The following MGAT4C variants were observed in gnomAD, a reference collection of about 807,000 sequenced individuals.
MGAT4C encodes the protein MGAT4 family member C, also known as alpha-1,3-mannosyl-glycoprotein 4-beta-N-acetylglucosaminyltransferase C.
Under a neutral mutation model 40.1 loss-of-function variants are expected in MGAT4C, and 19 were observed. That is an observed-to-expected ratio of 0.47 (90% CI 0.33 to 0.70). The LOEUF (loss-of-function observed/expected upper bound fraction) is 0.70, where lower values mean the gene tolerates loss of function less well. Among genes scored for constraint, MGAT4C ranks in the 30% least tolerant of loss-of-function variants. MGAT4C has a pLI of 0.02. For synonymous variants in MGAT4C, 181 were observed against 187.1 expected, an observed-to-expected ratio of 0.97 and a Z score of 0.27; for missense variants, 491 against 563.2, an observed-to-expected ratio of 0.87 and a Z score of 1.30.
intron 2 of MGAT4C, among the ~76,000 whole-genome samples, chr12:86,483,206 C>T (rs1015459693): frequency 6.6e-6 from 1 of 152,030 alleles, no homozygotes; most frequent in African/African-American, 2.4e-5. Context: ...AGGGTAGTAC[C>T]CTCATAAACT....
intron 2 of MGAT4C, among the ~76,000 whole-genome samples, chr12:86,643,036 T>C (rs138772632): frequency 1.1e-4 from 16 of 151,866 alleles, no homozygotes; most frequent in Admixed American, 5.3e-4. Flanking sequence ...TTTCTGAGTC[T>C]GTTCTGTGCT....
chr12:86,682,613 G>C (rs1213826902), intron 2 of MGAT4C, among the ~76,000 whole-genome samples: 2 of 151,762 alleles, frequency 1.3e-5, no homozygotes, highest in Non-Finnish European at 2.9e-5. Context: ...CCAAACTAGG[G>C]AAAAAAAGTT....
At chr12:86,195,347 T>C (rs979693544) in intron 1 of MGAT4C, among the ~76,000 whole-genome samples, 2 of 152,150 alleles carry the variant, frequency 1.3e-5, no homozygotes, top group African/African-American at 2.4e-5. Flanking sequence ...TTGTCTTCTA[T>C]AGGCCAGTCT....
At chr12:86,518,305 T>C (rs1348898021) in intron 2 of MGAT4C, among the ~76,000 whole-genome samples, 2 of 152,206 alleles carry the variant, frequency 1.3e-5, no homozygotes, top group African/African-American at 4.8e-5. Context: ...TAGGATTCTG[T>C]ATATTTGACC....
At chr12:86,536,186 TCTTCCA>T (rs1959065205) in intron 2 of MGAT4C, among the ~76,000 whole-genome samples, 1 of 152,104 alleles carries the variant, frequency 6.6e-6, no homozygotes, top group African/African-American at 2.4e-5. Context: ...CTCATCACTG[TCTTCCA>T]CTAAAGAGAC....
At chr12:86,242,390 C>T (rs1374952818) in intron 1 of MGAT4C, among the ~76,000 whole-genome samples, 1 of 152,142 alleles carries the variant, frequency 6.6e-6, no homozygotes, top group African/African-American at 2.4e-5. Context: ...TCCCTTGAAT[C>T]TGCATCATTT....
rs562729699 is a variant in MGAT4C, at chr12:85,969,282, A to G, written c.*10007T>C. 4 of 151,862 alleles carry G rather than the reference A, an allele frequency of 2.6e-5. No individual in the cohort carries two copies. The East Asian group carries it at 7.7e-4, about 29-fold the overall frequency. 9.4% of individuals were successfully genotyped at this position (151,862 alleles called of 1,614,324 possible). A position where few individuals can be genotyped will look rare whatever the true frequency, so the allele number is the denominator to read the frequency against. ...TGTAAGCTATAGGCCAATAAACACA[A>G]CTTTGGGGTTTACTGATGTTTTCCA... On this transcript the variant is annotated 3_prime_UTR_variant, in exon 5 of 5. Transcript: ENST00000611864.
At chr12:86,049,554 T>C in intron 2 of MGAT4C, 120 bp downstream of exon 2, 2 of 295,736 alleles carry the variant, frequency 6.8e-6, no homozygotes, top group Non-Finnish European at 1.0e-5. Context: ...GATGAGAAAA[T>C]ATTTTCAATT....
At chr12:86,169,032 G>T (rs1323142917) in intron 1 of MGAT4C, among the ~76,000 whole-genome samples, 2 of 151,984 alleles carry the variant, frequency 1.3e-5, no homozygotes, top group Non-Finnish European at 2.9e-5. Context: ...GGGGAAAACT[G>T]CCCCCAAAAC....
At chr12:86,497,570 G>A (rs1420829451) in intron 2 of MGAT4C, among the ~76,000 whole-genome samples, 1 of 151,652 alleles carries the variant, frequency 6.6e-6, no homozygotes, top group African/African-American at 2.4e-5. Context: ...AGACAGTAAA[G>A]CTAGAAGCTA....
At chr12:86,391,597 G>A (rs1956160900) in intron 3 of MGAT4C, among the ~76,000 whole-genome samples, 2 of 152,192 alleles carry the variant, frequency 1.3e-5, no homozygotes, top group South Asian at 2.1e-4. Flanking sequence ...AGTGGCTCAC[G>A]CCTGTAATCC....
intron 2 of MGAT4C, among the ~76,000 whole-genome samples, chr12:86,516,821 CAAT>C (rs1216480067): frequency 1.4e-4 from 21 of 151,970 alleles, no homozygotes; most frequent in African/African-American, 4.8e-4. Context: ...ATTAGCACAA[CAAT>C]GAGATACCTC....
intron 2 of MGAT4C, among the ~76,000 whole-genome samples, chr12:86,636,237 G>T (rs976370197): frequency 6.6e-6 from 1 of 151,952 alleles, no homozygotes. Context: ...TAAGCAACAC[G>T]TGACTGTACT....
intron 1 of MGAT4C, among the ~76,000 whole-genome samples, chr12:86,095,882 T>C (rs1873824874): frequency 6.6e-6 from 1 of 151,888 alleles, no homozygotes; most frequent in South Asian, 2.1e-4. Flanking sequence ...TCTTAAAATA[T>C]AGGCAAATAC....
Position 86,303,974 on chromosome 12 carries a change from G to A in MGAT4C, c.-57+30091C>T, listed in dbSNP as rs986318343. Among the ~76,000 whole-genome samples, 9 of 150,112 alleles carry A rather than the reference G, an allele frequency of 6.0e-5. 1 individual carries two copies. In the East Asian group the frequency reaches 1.7e-3, roughly 29 times the overall value. ...TGTGTCATATTTATTTACTGGAATA[G>A]AAAGTAGGCATTCCAAGTAAAGCTT... On this transcript the variant is annotated intron_variant, in intron 4 of 7. Transcript: ENST00000548651.
intron 1 of MGAT4C, among the ~76,000 whole-genome samples, chr12:86,734,126 A>C (rs1950950744): frequency 6.6e-6 from 1 of 152,134 alleles, no homozygotes; most frequent in Admixed American, 6.6e-5. Context: ...ATGAAAGTTG[A>C]GAAAGTTTAA....
chr12:86,721,025 G>T (rs762298524), intron 2 of MGAT4C, among the ~76,000 whole-genome samples: 6 of 152,042 alleles, frequency 3.9e-5, no homozygotes, highest in Non-Finnish European at 8.8e-5. Context: ...ATCCCAAGTT[G>T]GTGAGAGAAA....
chr12:86,414,313 G>A (rs928449557), intron 3 of MGAT4C, among the ~76,000 whole-genome samples: 1 of 151,966 alleles, frequency 6.6e-6, no homozygotes, highest in African/African-American at 2.4e-5. Context: ...GAAAGTCATC[G>A]GCATTAGTCA....
At chr12:86,651,651 C>A (rs1203294445) in intron 2 of MGAT4C, among the ~76,000 whole-genome samples, 3 of 151,748 alleles carry the variant, frequency 2.0e-5, no homozygotes, top group African/African-American at 4.8e-5. Flanking sequence ...TTGAAAATAG[C>A]CCATAAATGA....
Sources: gnomAD v4.1 joint callset for allele counts (sites outside exome capture counted in the v4.1 genomes callset) on GRCh38, gnomAD v4.1.1 for gene constraint, MANE v1.5 for transcripts, NCBI Gene and HGNC (gene_info 2026-07-23, HGNC 2026-07-21) for gene names.